SBF2: variants seen among roughly 807,000 people sequenced by gnomAD.
SBF2 encodes the protein myotubularin-related protein 13.
Under a neutral mutation model 225.2 loss-of-function variants are expected in SBF2, and 112 were observed. The ratio of observed to expected loss-of-function variants is 0.50; its 90% confidence interval spans 0.43 to 0.58. The LOEUF is 0.58. Among genes scored for constraint, SBF2 ranks in the 20% least tolerant of loss-of-function variants. The pLI, the probability that SBF2 is intolerant of heterozygous loss-of-function variation, is 0.00. For missense variants in SBF2, 1,996 were observed against 2,206.2 expected (o/e 0.90, Z 1.91); for synonymous variants, 763 against 773.3 (o/e 0.99, Z 0.22).
At chr11:9,836,314 C>T (rs1855733310) in intron 26 of SBF2, among the ~76,000 whole-genome samples, 1 of 152,120 alleles carries the variant, frequency 6.6e-6, no homozygotes, top group Admixed American at 6.5e-5. Flanking sequence ...ATCTATAGGT[C>T]AATGGGAATA....
intron 1 of SBF2, among the ~76,000 whole-genome samples, chr11:10,224,938 G>C (rs939828560): frequency 6.6e-6 from 1 of 152,168 alleles, no homozygotes; most frequent in Non-Finnish European, 1.5e-5. Flanking sequence ...ATAAGAGTAA[G>C]TGATGGTGCT....
At chr11:10,265,874 TGC>T (rs1189755961) in intron 1 of SBF2, among the ~76,000 whole-genome samples, 3,061 of 118,642 alleles carry the variant, frequency 0.026, 95 homozygotes, top group African/African-American at 0.072. Flanking sequence ...TGTGTGTGTG[TGC>T]GCGCGCGCAT....
chr11:10,030,055 C>A (rs554391794), intron 4 of SBF2, among the ~76,000 whole-genome samples, 180 bp from the exon 5 acceptor site: 2 of 152,124 alleles, frequency 1.3e-5, no homozygotes, highest in African/African-American at 4.8e-5. Context: ...AACCAGAACC[C>A]CCAAATGAGC....
intron 13 of SBF2, among the ~76,000 whole-genome samples, chr11:9,988,645 T>G (rs985920082): frequency 6.6e-6 from 1 of 151,994 alleles, no homozygotes; most frequent in Non-Finnish European, 1.5e-5. Flanking sequence ...AATAAACATA[T>G]GAAAAAATGC....
chr11:9,848,853 T>C (rs1399526537), intron 22 of SBF2, among the ~76,000 whole-genome samples: 2 of 152,278 alleles, frequency 1.3e-5, no homozygotes, highest in African/African-American at 4.8e-5. Context: ...GCGCATTATA[T>C]GGTAAGCAGT....
At chr11:10,045,965 A>G (rs1178957567) in intron 2 of SBF2, among the ~76,000 whole-genome samples, 1 of 151,328 alleles carries the variant, frequency 6.6e-6, no homozygotes, top group Non-Finnish European at 1.5e-5. Context: ...AAAATATTTG[A>G]AAAAAAAAGA....
chr11:10,176,542 A>G (rs1956472290), intron 2 of SBF2, among the ~76,000 whole-genome samples: 1 of 152,076 alleles, frequency 6.6e-6, no homozygotes, highest in Admixed American at 6.5e-5. Context: ...ACAAACTACC[A>G]TCAGAGAATA....
chr11:10,094,528 AT>A (rs60485793), intron 2 of SBF2, among the ~76,000 whole-genome samples: 12,338 of 107,216 alleles, frequency 0.12, 941 homozygotes, highest in Middle Eastern at 0.23. Context: ...ATACACACAG[AT>A]TTTTTTTTTT....
chr11:9,895,980 G>C lies in SBF2; in HGVS notation c.1892C>G (p.Ala631Gly), dbSNP rs376057124. 5 of 1,613,162 alleles carry C rather than the reference G, an allele frequency of 3.1e-6. No individual in the cohort carries two copies. The African/African-American group carries it at 6.7e-5, about 22-fold the overall frequency. Reference sequence around the variant, plus strand: ...ACTGGTCAAAGGGAGTAATGCTGCGGCAATGTTGTATTCTTCTAAACTTGA... The same window carrying C: ...ACTGGTCAAAGGGAGTAATGCTGCGCCAATGTTGTATTCTTCTAAACTTGA... ...DCSSLEEYNI[A>G]AALLPLTSAF... Residue 631 changes from alanine (A) to glycine (G), a missense_variant, in exon 17 of 40, where the codon GCC (alanine) becomes GGC (glycine). Physicochemically the swap from Ala to Gly is moderately conservative, Grantham distance 60. Transcript: ENST00000256190.
At chr11:9,869,432 C>T (rs1374778482) in intron 17 of SBF2, among the ~76,000 whole-genome samples, 1 of 152,086 alleles carries the variant, frequency 6.6e-6, no homozygotes, top group Non-Finnish European at 1.5e-5. Flanking sequence ...GGTTCTCGTG[C>T]CTCAGCCTCC....
rs751482124 is a variant in SBF2 at position 10,002,558 on chromosome 11, T to G, written c.751A>C (p.Ser251Arg). 2 of 1,609,658 alleles carry G rather than the reference T, an allele frequency of 1.2e-6. No individual in the cohort carries two copies. The highest frequency in any genetic ancestry group is 1.7e-6 in the Non-Finnish European group (2 of 1,176,262). ...LESLMFPLKY[S>R]YPYIPILPAQ... is the part of the protein sequence containing the mutation. Reference sequence around the variant, plus strand: ...AAAATTAACAAATGAAAACCTCACCTATATTTAAGAGGAAACATTAAAGAT... The same window carrying G: ...AAAATTAACAAATGAAAACCTCACCGATATTTAAGAGGAAACATTAAAGAT... The change falls in exon 7 of 40, where the codon AGT becomes CGT. Residue 251 changes from serine to arginine, a missense_variant and splice_region_variant. Coordinates refer to ENST00000256190, the MANE Select transcript of SBF2 (RefSeq NM_030962.4).
At position 9,993,905 on chromosome 11, in the gene SBF2, A is replaced by G. The variant is rs1170080993; in HGVS notation, c.1053+16T>C. 1 of 1,436,586 alleles carries G rather than the reference A, an allele frequency of 7.0e-7. No homozygotes were observed. Among genetic ancestry groups the G allele is most frequent in the Admixed American group, 1.7e-5 (1 of 59,740 alleles). 89.0% of individuals were successfully genotyped at this position (1,436,586 alleles called of 1,614,324 possible). A position where few individuals can be genotyped will look rare whatever the true frequency, so the allele number is the denominator to read the frequency against. ...CTCTCTTTAACAGCATTAAATTTAA[A>G]TATTAAACTTCTTACCAGCATTTTT... On this transcript the variant is annotated intron_variant, in intron 10 of 39. Coordinates refer to ENST00000256190, the MANE Select transcript of SBF2 (RefSeq NM_030962.4).
At chr11:9,991,355 C>G (rs1043801108) in intron 12 of SBF2, among the ~76,000 whole-genome samples, 1 of 152,126 alleles carries the variant, frequency 6.6e-6, no homozygotes, top group Admixed American at 6.6e-5. Flanking sequence ...TTTAAAAATT[C>G]TTACCTGTGA....
chr11:10,298,119 G>A (rs1207846227), upstream of SBF2, among the ~76,000 whole-genome samples: 3 of 152,318 alleles, frequency 2.0e-5, no homozygotes, highest in Middle Eastern at 3.4e-3. Flanking sequence ...GATGGAATGC[G>A]GTGGCTCACA....
chr11:9,964,672 C>G lies in SBF2; in HGVS notation c.1601-790G>C, dbSNP rs116787405. ...TTAGGAAAGTCACTTTTTAGTCATG[C>G]AAACCTAGCACCTTTCACCTTTTAC... On this transcript the variant is annotated intron_variant, in intron 14 of 39. Transcript: ENST00000256190. 3.8e-3 allele frequency among the ~76,000 whole-genome samples: 576 copies of G among 152,254 alleles called. 2 individuals are homozygous for G. Among genetic ancestry groups the G allele is most frequent in the Middle Eastern group, 0.027 (8 of 294 alleles).
At chr11:10,288,626 G>A (rs1963952581) in intron 1 of SBF2, among the ~76,000 whole-genome samples, 2 of 152,078 alleles carry the variant, frequency 1.3e-5, no homozygotes, top group African/African-American at 4.8e-5. Flanking sequence ...TCTGCAGGCA[G>A]ATTGTCCCAT....
At chr11:10,179,844 T>G (rs1956660349) in intron 2 of SBF2, among the ~76,000 whole-genome samples, 1 of 152,172 alleles carries the variant, frequency 6.6e-6, no homozygotes, top group African/African-American at 2.4e-5. Flanking sequence ...TTATTTTTAT[T>G]TTTACCCCCT....
chr11:10,106,268 TAAAG>T (rs995348437), intron 2 of SBF2, among the ~76,000 whole-genome samples: 1 of 151,900 alleles, frequency 6.6e-6, no homozygotes, highest in Non-Finnish European at 1.5e-5. Flanking sequence ...ATAAAGAAAA[TAAAG>T]AAAAGACAGG....
At chr11:10,008,024 T>G (rs549183575) in intron 6 of SBF2, among the ~76,000 whole-genome samples, 11 of 152,254 alleles carry the variant, frequency 7.2e-5, no homozygotes, top group Admixed American at 7.2e-4. Context: ...GTGATTCCAT[T>G]ATGGAGGTGG....
Sources: allele counts gnomAD v4.1 joint callset (sites outside exome capture counted in the v4.1 genomes callset), GRCh38; gene constraint gnomAD v4.1.1; transcripts MANE v1.5; gene names NCBI Gene and HGNC (gene_info 2026-07-23, HGNC 2026-07-21).